Variants in ARFGEF3 observed in about 807,000 individuals in gnomAD.
ARFGEF3 encodes brefeldin A-inhibited guanine nucleotide-exchange protein 3.
Under a neutral mutation model 221.7 loss-of-function variants are expected in ARFGEF3, and 96 were observed. That is an observed-to-expected ratio of 0.43 (90% CI 0.37 to 0.51). The LOEUF is 0.51. ARFGEF3 is among the 20% of genes least tolerant of loss of function. The pLI, the probability that ARFGEF3 is intolerant of heterozygous loss-of-function variation, is 0.00. For missense variants in ARFGEF3, 2,410 were observed against 2,789.9 expected (o/e 0.86, Z 3.07); for synonymous variants, 1,145 against 1,126.8 (o/e 1.02, Z -0.32).
chr6:138,325,461 T>C (rs1328968930), intron 31 of ARFGEF3, among the ~76,000 whole-genome samples: 1 of 152,214 alleles, frequency 6.6e-6, no homozygotes, highest in East Asian at 1.9e-4. Flanking sequence ...CTGCTGGTTC[T>C]GAAGGAAGGG....
chr6:138,320,420 G>A (rs560778433), intron 28 of ARFGEF3, among the ~76,000 whole-genome samples: 1 of 152,336 alleles, frequency 6.6e-6, no homozygotes, highest in South Asian at 2.1e-4. Context: ...GTATGCTGAA[G>A]TCAGCAGATG....
chr6:138,223,676 C>T (rs1433660777), intron 4 of ARFGEF3, among the ~76,000 whole-genome samples: 1 of 152,090 alleles, frequency 6.6e-6, no homozygotes, highest in African/African-American at 2.4e-5. Context: ...GGTTGACTCC[C>T]CAAAATCAGC....
chr6:138,330,029 GGAGCTTTT>G (rs1166844315), intron 32 of ARFGEF3, among the ~76,000 whole-genome samples: 1 of 152,140 alleles, frequency 6.6e-6, no homozygotes, highest in Non-Finnish European at 1.5e-5. Context: ...GCTCAGTAGG[GGAGCTTTT>G]GAGCCAGGAT....
At chr6:138,188,627 A>G (rs1423970717) in intron 2 of ARFGEF3, among the ~76,000 whole-genome samples, 1 of 152,258 alleles carries the variant, frequency 6.6e-6, no homozygotes, top group Admixed American at 6.5e-5. Context: ...CTTCGGGGTG[A>G]CTAGGCTATA....
At chr6:138,268,322 A>G (rs1236107940) in intron 12 of ARFGEF3, among the ~76,000 whole-genome samples, 2 of 152,192 alleles carry the variant, frequency 1.3e-5, no homozygotes, top group African/African-American at 4.8e-5. Context: ...TCTTTGACTC[A>G]TTATTTATTT....
intron 8 of ARFGEF3, among the ~76,000 whole-genome samples, chr6:138,249,196 T>C (rs1778537445): frequency 6.6e-6 from 1 of 152,228 alleles, no homozygotes; most frequent in Admixed American, 6.5e-5. Context: ...GGAAAATGCA[T>C]TGTACAAACA....
rs1779030373 is a variant in ARFGEF3 at position 138,272,859 on chromosome 6, ATTAAAC to A, written c.2129-5587_2129-5582del. On this transcript the variant is annotated intron_variant, in intron 12 of 33. Coordinates refer to ENST00000251691, the MANE Select transcript of ARFGEF3 (RefSeq NM_020340.5). ...TTTGGAAAATAGTTTGTATGTATCTATTAAACTTAATATACTTATTCTGCTTTTAGT... is the reference window on the plus strand; with the variant it reads ...TTTGGAAAATAGTTTGTATGTATCTATTAATATACTTATTCTGCTTTTAGT... Among the ~76,000 whole-genome samples the A allele has an allele frequency of 3.3e-5, 5 of 152,374 alleles. No homozygotes were observed. In the South Asian group the frequency reaches 1.0e-3, roughly 32 times the overall value.
intron 22 of ARFGEF3, among the ~76,000 whole-genome samples, chr6:138,300,146 A>C (rs760686448): frequency 9.9e-5 from 15 of 152,262 alleles, no homozygotes; most frequent in Admixed American, 1.3e-4. Context: ...ATTGGATTGA[A>C]ATATTGGTAT....
chr6:138,324,196 G>A lies in ARFGEF3; in HGVS notation c.5001+42G>A, dbSNP rs747639054. The A allele has an allele frequency of 3.9e-5, 62 of 1,589,768 alleles. No homozygotes were observed. In the Admixed American group the frequency reaches 6.9e-4, roughly 18 times the overall value. On this transcript the variant is annotated intron_variant, in intron 31 of 33. Transcript: ENST00000251691. ...TTGATCTCAGGAGCTCTAGAAACTC[G>A]AAGTGCATGTTGGGAGACCTTCCTT...
At chr6:138,174,385 T>C (rs1776895671) in intron 2 of ARFGEF3, among the ~76,000 whole-genome samples, 1 of 148,744 alleles carries the variant, frequency 6.7e-6, no homozygotes, top group South Asian at 2.1e-4. Context: ...CTTTGATTCC[T>C]CTTCCAGGCA....
intron 2 of ARFGEF3, among the ~76,000 whole-genome samples, chr6:138,183,550 T>C (rs1777122080): frequency 6.6e-6 from 1 of 151,936 alleles, no homozygotes; most frequent in African/African-American, 2.4e-5. Context: ...ACTGGGCTCA[T>C]GTGGATCAGG....
chr6:138,224,313 A>G (rs1471681959), intron 4 of ARFGEF3, among the ~76,000 whole-genome samples: 5 of 152,226 alleles, frequency 3.3e-5, no homozygotes, highest in Non-Finnish European at 5.9e-5. Context: ...TTTTCTCCCC[A>G]TCCACAGCGA....
chr6:138,323,108 T>C (rs1240186320), intron 29 of ARFGEF3, among the ~76,000 whole-genome samples: 1 of 152,092 alleles, frequency 6.6e-6, no homozygotes, highest in Non-Finnish European at 1.5e-5. Context: ...ACAGAATATA[T>C]GCAGTCTTGC....
At chr6:138,219,304 T>G (rs914086414) in intron 4 of ARFGEF3, among the ~76,000 whole-genome samples, 9 of 152,064 alleles carry the variant, frequency 5.9e-5, no homozygotes, top group Admixed American at 3.3e-4. Flanking sequence ...TAGTGAGGGA[T>G]AGTGGACGAT....
At chr6:138,165,158 A>T (rs936320451) in intron 1 of ARFGEF3, among the ~76,000 whole-genome samples, 1 of 150,164 alleles carries the variant, frequency 6.7e-6, no homozygotes, top group African/African-American at 2.5e-5. Flanking sequence ...CCCGTCTGAG[A>T]CCCTCATGAG....
chr6:138,187,157 C>A lies in ARFGEF3; in HGVS notation c.137+16444C>A, dbSNP rs1248866397. Among the ~76,000 whole-genome samples the A allele has an allele frequency of 5.1e-4, 78 of 152,234 alleles. 2 individuals carry two copies. Among genetic ancestry groups the A allele is most frequent in the Non-Finnish European group, 2.9e-5 (2 of 68,000 alleles). ...CTCGAATTCCTGACCTCAGGTGATCCACCTGCCTCGGCCTCCCAAAATGCT... is the reference window on the plus strand; with the variant it reads ...CTCGAATTCCTGACCTCAGGTGATCAACCTGCCTCGGCCTCCCAAAATGCT... On this transcript the variant is annotated intron_variant, in intron 2 of 33. Coordinates refer to ENST00000251691, the MANE Select transcript of ARFGEF3 (RefSeq NM_020340.5).
At chr6:138,175,262 G>T (rs1286009661) in intron 2 of ARFGEF3, among the ~76,000 whole-genome samples, 1 of 152,216 alleles carries the variant, frequency 6.6e-6, no homozygotes, top group Admixed American at 6.5e-5. Flanking sequence ...TTAGTGGCTA[G>T]TCATGTGAAA....
At chr6:138,260,176 C>CT (rs1778762780) in intron 10 of ARFGEF3, among the ~76,000 whole-genome samples, 2 of 152,238 alleles carry the variant, frequency 1.3e-5, no homozygotes, top group South Asian at 2.1e-4. Context: ...CCTTGTCACT[C>CT]TTTTTTTGAT....
intron 10 of ARFGEF3, among the ~76,000 whole-genome samples, chr6:138,256,724 C>T (rs1285491310): frequency 6.6e-6 from 1 of 152,058 alleles, no homozygotes; most frequent in Admixed American, 6.6e-5. Context: ...ATATGCCAGG[C>T]ACTTCACATA....
Sources: gnomAD v4.1 joint callset for allele counts (sites outside exome capture counted in the v4.1 genomes callset) on GRCh38, gnomAD v4.1.1 for gene constraint, MANE v1.5 for transcripts, NCBI Gene and HGNC (gene_info 2026-07-23, HGNC 2026-07-21) for gene names.